Variants in TLE3 observed in about 807,000 individuals in gnomAD.
The protein encoded by TLE3 is transducin-like enhancer protein 3.
A neutral mutation model predicts 93.0 loss-of-function variants in TLE3; 14 were observed. That is an observed-to-expected ratio of 0.15 (90% CI 0.10 to 0.24). The LOEUF is 0.24. TLE3 is among the 10% of genes least tolerant of loss of function. The probability of loss-of-function intolerance (pLI) is 1.00; values close to 1 mark genes in which losing one functional copy is unlikely to be tolerated. For synonymous variants in TLE3, 451 were observed against 425.0 expected (o/e 1.06, Z -0.75); for missense variants, 693 against 1,046.6 (o/e 0.66, Z 4.66).
rs1566995802 is a variant in TLE3 at position 70,058,913 on chromosome 15, G to C, written c.766-98C>G. ...GGAAGAGAGAGGGCATGGGCGATGG[G>C]AAGACGAGCTTGGCTGAAAGACTGG... On this transcript the variant is annotated intron_variant, in intron 10 of 19. Coordinates refer to ENST00000451782, the MANE Select transcript of TLE3 (RefSeq NM_001105192.3). This position sits in a 1 kb window ranked among gnomAD's most constrained non-coding sequence, Gnocchi z 4.1. 2.1e-6 allele frequency: 3 copies of C among 1,417,002 alleles called. No individual in the cohort carries two copies. Among genetic ancestry groups the C allele is most frequent in the Non-Finnish European group, 1.8e-6 (2 of 1,082,606 alleles). 87.8% of individuals were successfully genotyped at this position (1,417,002 alleles called of 1,614,324 possible).
chr15:70,095,749 C>G, intron 2 of TLE3, 108 bp from the exon 3 acceptor site: 1 of 1,355,178 alleles, frequency 7.4e-7, no homozygotes, highest in Non-Finnish European at 9.9e-7. Context: ...GACACCCCCC[C>G]GGGGGCGCCC....
At chr15:70,059,636 G>A (rs2270870) in intron 9 of TLE3, among the ~76,000 whole-genome samples, 176 bp from the exon 10 acceptor site, 57,220 of 151,928 alleles carry the variant, frequency 0.38, 11,995 homozygotes, top group Middle Eastern at 0.61. Context: ...AGCTCAACAC[G>A]GTCTCCCCGT....
At position 70,076,089 on chromosome 15, in the gene TLE3, G is replaced by T. The variant is rs1343374132; in HGVS notation, c.297+7C>A. 3.1e-6 allele frequency: 5 copies of T among 1,613,316 alleles called. No homozygotes were observed. Among genetic ancestry groups the T allele is most frequent in the Non-Finnish European group, 4.2e-6 (5 of 1,179,388 alleles). Reference sequence around the variant, plus strand: ...GAAAAGGAAGAAATAATAAAAGAAGGTCTTACCTCTTGTGACAGGAAAGGC... The same window carrying T: ...GAAAAGGAAGAAATAATAAAAGAAGTTCTTACCTCTTGTGACAGGAAAGGC... On this transcript the variant is annotated splice_region_variant and intron_variant, in intron 5 of 19. Transcript: ENST00000451782.
intron 8 of TLE3, among the ~76,000 whole-genome samples, chr15:70,064,191 C>G (rs981461890): frequency 9.9e-5 from 15 of 152,238 alleles, no homozygotes; most frequent in African/African-American, 3.6e-4. Flanking sequence ...CAGGTGACGA[C>G]AGCAGCTCCC....
At chr15:70,054,921 A>G (rs1169002470) in intron 15 of TLE3, 128 bp downstream of exon 15, 2 of 1,360,198 alleles carry the variant, frequency 1.5e-6, no homozygotes, top group African/African-American at 2.9e-5. Flanking sequence ...CAGAGAGGTT[A>G]GTCAGCTTGC....
chr15:70,065,402 A>G (rs1459087297), intron 7 of TLE3, among the ~76,000 whole-genome samples: 1 of 152,226 alleles, frequency 6.6e-6, no homozygotes, highest in Non-Finnish European at 1.5e-5. Context: ...TCTGACTCCA[A>G]GTCTATGTGA....
At chr15:70,077,026 A>AT (rs1003454952) in intron 4 of TLE3, among the ~76,000 whole-genome samples, 10 of 152,066 alleles carry the variant, frequency 6.6e-5, no homozygotes, top group African/African-American at 2.4e-4. Context: ...CCAACACTTC[A>AT]TTTTTTAGGA....
In TLE3 at chr15:70,052,544, A is replaced by C. The variant is rs754437879; in HGVS notation, c.1975-20T>G. 6.2e-7 allele frequency: 1 copy of C among 1,609,178 alleles called. No homozygotes were observed. The highest frequency in any genetic ancestry group is 8.5e-7 in the Non-Finnish European group (1 of 1,178,302). On this transcript the variant is annotated intron_variant, in intron 17 of 19. Coordinates refer to ENST00000451782, the MANE Select transcript of TLE3 (RefSeq NM_001105192.3). ...GAAGATCTGCAGGTGGTGGGAGGGC[A>C]GATGGACTGAGCTCAGCATTCTCTG...
intron 6 of TLE3, among the ~76,000 whole-genome samples, chr15:70,071,029 C>G (rs1335542538): frequency 6.6e-6 from 1 of 152,166 alleles, no homozygotes; most frequent in Non-Finnish European, 1.5e-5. Flanking sequence ...GCAGATGAGA[C>G]CTCCTCCACT....
intron 17 of TLE3, 173 bp from the exon 18 acceptor site, chr15:70,052,697 G>T: frequency 1.8e-6 from 1 of 556,564 alleles, no homozygotes; most frequent in Non-Finnish European, 2.9e-6. Context: ...AGGTGAGAAA[G>T]CACAGACATT....
At chr15:70,054,865 C>G in intron 15 of TLE3, 180 bp from the exon 16 acceptor site, 1 of 1,214,618 alleles carries the variant, frequency 8.2e-7, no homozygotes, top group Non-Finnish European at 1.1e-6. Flanking sequence ...TCATGAATAC[C>G]AGGAGGTCAG....
At chr15:70,095,989 G>A in intron 2 of TLE3, 172 bp downstream of exon 2, 1 of 806,260 alleles carries the variant, frequency 1.2e-6, no homozygotes, top group South Asian at 1.9e-5. Context: ...GCTGCTGCGG[G>A]CAGTAAAGGG....
At position 70,097,814 on chromosome 15, in the gene TLE3, A is replaced by AC; in HGVS notation, c.-1017dup. Reference sequence around the variant, plus strand: ...CACGCGCGCACGCACACACACACACACCAAAAAAAAAAGTGCCCCGGACCT... The same window carrying AC: ...CACGCGCGCACGCACACACACACACACCCAAAAAAAAAAGTGCCCCGGACCT... On this transcript the variant is annotated 5_prime_UTR_variant, in exon 1 of 20. Coordinates refer to ENST00000451782, the MANE Select transcript of TLE3 (RefSeq NM_001105192.3). 3 of 149,758 alleles carry AC rather than the reference A, an allele frequency of 2.0e-5. No homozygotes were observed. The highest frequency in any genetic ancestry group is 7.0e-4 in the South Asian group (1 of 1,434). 9.3% of individuals were successfully genotyped at this position (149,758 alleles called of 1,614,324 possible).
chr15:70,083,685 T>C (rs1185539403), intron 4 of TLE3, among the ~76,000 whole-genome samples: 1 of 148,268 alleles, frequency 6.7e-6, no homozygotes, highest in Non-Finnish European at 1.5e-5. Flanking sequence ...CCTTGGAACA[T>C]TATGCAAATC....
chr15:70,064,655 T>C (rs1778915695), intron 7 of TLE3, among the ~76,000 whole-genome samples, 185 bp from the exon 8 acceptor site: 2 of 152,184 alleles, frequency 1.3e-5, no homozygotes, highest in African/African-American at 4.8e-5. Context: ...GGCCATTAGG[T>C]GGCGTTTCTC....
At chr15:70,086,393 G>T (rs1567047206) in intron 4 of TLE3, among the ~76,000 whole-genome samples, 1 of 152,200 alleles carries the variant, frequency 6.6e-6, no homozygotes, top group Non-Finnish European at 1.5e-5. Flanking sequence ...CTAGCCCAAG[G>T]GAAAGATTTG....
intron 6 of TLE3, among the ~76,000 whole-genome samples, chr15:70,073,599 T>C (rs1259984340): frequency 3.3e-5 from 5 of 152,216 alleles, no homozygotes; most frequent in Non-Finnish European, 7.3e-5. Flanking sequence ...AAAAGACCTC[T>C]GGGGCAAGTG....
chr15:70,065,979 G>GCCCCCCCCCCCC, intron 7 of TLE3, 35 bp downstream of exon 7: 4 of 1,089,096 alleles, frequency 3.7e-6, no homozygotes, highest in Non-Finnish European at 5.6e-6. Context: ...GCCCACCCCT[G>GCCCCCCCCCCCC]CCCCGCCCCA....
intron 17 of TLE3, chr15:70,052,988 AGC>A: frequency 1.8e-5 from 9 of 506,116 alleles, no homozygotes; most frequent in South Asian, 1.2e-4. Context: ...AGTGCTCAAT[AGC>A]AGCAGAGAAT....
Sources: gnomAD v4.1 joint callset for allele counts (sites outside exome capture counted in the v4.1 genomes callset) on GRCh38, gnomAD v4.1.1 for gene constraint, Gnocchi (gnomAD v3.1) non-coding constraint, MANE v1.5 for transcripts, NCBI Gene and HGNC (gene_info 2026-07-23, HGNC 2026-07-21) for gene names.